Variants in SYCP2L observed in about 807,000 individuals in gnomAD.
SYCP2L encodes synaptonemal complex protein 2-like.
In SYCP2L, 98 loss-of-function variants were observed where a neutral mutation model predicts 125.8. The ratio of observed to expected loss-of-function variants is 0.78; its 90% CI spans 0.66 to 0.92. The LOEUF is 0.92. Among genes scored for constraint, SYCP2L ranks in the 40% least tolerant of loss-of-function variants. The pLI is 0.00. For missense variants in SYCP2L, 842 were observed against 936.4 expected (o/e 0.90, Z 1.32); for synonymous variants, 317 against 325.4 (o/e 0.97, Z 0.28).
chr6:10,895,233 G>A (rs183278596), intron 4 of SYCP2L, among the ~76,000 whole-genome samples: 2 of 152,316 alleles, frequency 1.3e-5, no homozygotes, highest in African/African-American at 2.4e-5. Context: ...TGTCCTAAGT[G>A]TACCTTGGAA....
At chr6:10,925,755 A>G (rs1270960919) in intron 15 of SYCP2L, among the ~76,000 whole-genome samples, 1 of 152,220 alleles carries the variant, frequency 6.6e-6, no homozygotes, top group Non-Finnish European at 1.5e-5. Flanking sequence ...AGGATGAGAA[A>G]TAAAGGGGAA....
intron 28 of SYCP2L, chr6:10,963,478 C>T (rs1344474955): frequency 6.0e-6 from 2 of 331,994 alleles, no homozygotes; most frequent in East Asian, 1.4e-4. Flanking sequence ...GAATATCCCT[C>T]AGACTGGATT....
At chr6:10,890,495 C>T (rs1780154202) in intron 1 of SYCP2L, among the ~76,000 whole-genome samples, 1 of 152,028 alleles carries the variant, frequency 6.6e-6, no homozygotes, top group South Asian at 2.1e-4. Flanking sequence ...TGTATGTCTT[C>T]TTTGGAGAGA....
At position 10,921,549 on chromosome 6, in the gene SYCP2L, A is replaced by G. The variant is rs866946993; in HGVS notation, c.1073-2947A>G. ...CAACCTTGCCAGCATCTGTTGTTTGACTTTTTAATAATAGCCATTCTGACT... is the reference window on the plus strand; with the variant it reads ...CAACCTTGCCAGCATCTGTTGTTTGGCTTTTTAATAATAGCCATTCTGACT... On this transcript the variant is annotated intron_variant, in intron 14 of 29. Transcript: ENST00000283141. 3.9e-5 allele frequency among the ~76,000 whole-genome samples: 6 copies of G among 152,024 alleles called. No individual in the cohort carries two copies. The South Asian group carries it at 1.2e-3, about 32-fold the overall frequency.
intron 12 of SYCP2L, among the ~76,000 whole-genome samples, chr6:10,911,335 C>T (rs999853786): frequency 1.3e-5 from 2 of 152,094 alleles, no homozygotes; most frequent in Non-Finnish European, 1.5e-5. Context: ...TCCCCACCCC[C>T]CATTTGGTTT....
intron 21 of SYCP2L, among the ~76,000 whole-genome samples, chr6:10,937,948 G>A (rs1472237940): frequency 3.9e-5 from 6 of 152,054 alleles, no homozygotes; most frequent in Admixed American, 3.9e-4. Flanking sequence ...GTAGCCCAGG[G>A]CCAGACGGTT....
At chr6:10,931,909 G>A (rs948209835) in intron 20 of SYCP2L, among the ~76,000 whole-genome samples, 2 of 149,748 alleles carry the variant, frequency 1.3e-5, no homozygotes, top group Admixed American at 1.3e-4. Flanking sequence ...GGTTTGCAGT[G>A]AGCCGAGATT....
intron 6 of SYCP2L, among the ~76,000 whole-genome samples, chr6:10,902,206 A>G (rs6910232): frequency 0.29 from 44,781 of 152,142 alleles, 7,627 homozygotes; most frequent in East Asian, 0.52. Context: ...CAAAAAGTCC[A>G]TTACAGTTAC....
At chr6:10,937,070 A>G (rs969951097) in intron 21 of SYCP2L, among the ~76,000 whole-genome samples, 2 of 152,258 alleles carry the variant, frequency 1.3e-5, no homozygotes, top group South Asian at 2.1e-4. Flanking sequence ...GGCTTGAATA[A>G]TACTGTAGAC....
chr6:10,898,071 A>G lies in SYCP2L; in HGVS notation c.397A>G (p.Thr133Ala), dbSNP rs1780289896. The change falls in exon 5 of 30, where the codon ACG becomes GCG. Residue 133 changes from threonine (T) to alanine (A), a missense_variant. Coordinates refer to ENST00000283141, the MANE Select transcript of SYCP2L (RefSeq NM_001040274.3). Reference protein sequence around the residue: ...ILTSEGLASDTSLICVIEDFF... With the variant: ...ILTSEGLASDASLICVIEDFF... ...GACCTCGGAAGGCCTAGCCTCAGAC[A>G]CGTCGCTGATTTGTGTTATAGAAGA... 1 of 1,614,168 alleles carries G rather than the reference A, an allele frequency of 6.2e-7. No homozygotes were observed.
intron 28 of SYCP2L, among the ~76,000 whole-genome samples, chr6:10,962,151 A>T (rs1428287499): frequency 1.3e-5 from 2 of 152,140 alleles, no homozygotes; most frequent in Non-Finnish European, 2.9e-5. Flanking sequence ...TTCCCACTCG[A>T]ATAATCAAAA....
At chr6:10,948,206 A>G (rs1781349449) in intron 23 of SYCP2L, among the ~76,000 whole-genome samples, 2 of 152,130 alleles carry the variant, frequency 1.3e-5, no homozygotes, top group Admixed American at 1.3e-4. Flanking sequence ...TGTGTTAATA[A>G]TAAAGATCTA....
At position 10,893,873 on chromosome 6, in the gene SYCP2L, T is replaced by A. The variant is rs760841450; in HGVS notation, c.85T>A (p.Ser29Thr). The A allele has an allele frequency of 2.0e-5, 32 of 1,605,968 alleles. No homozygotes were observed. Among genetic ancestry groups the A allele is most frequent in the Non-Finnish European group, 2.7e-5 (32 of 1,178,478 alleles). ...CAAACTATCATCTTTCCAGCTTCAA[T>A]CACTTATTACGGATGCATTCCATGA... ...KAQDDAFWLQ[S>T]LITDAFHDKG... The change falls in exon 3 of 30, where the codon TCA becomes ACA. Residue 29 changes from serine to threonine, a missense_variant. Transcript: ENST00000283141.
chr6:10,959,869 C>CAAAA (rs201059528), intron 26 of SYCP2L, among the ~76,000 whole-genome samples: 1,709 of 126,136 alleles, frequency 0.014, 23 homozygotes, highest in East Asian at 0.03. Flanking sequence ...AACTCTGTCT[C>CAAAA]AAAAAAAAAA....
chr6:10,888,957 G>C (rs1780130301), intron 1 of SYCP2L, among the ~76,000 whole-genome samples: 1 of 152,116 alleles, frequency 6.6e-6, no homozygotes, highest in Admixed American at 6.6e-5. Flanking sequence ...CACCTCCTGG[G>C]TTCGAGTGAT....
intron 2 of SYCP2L, 97 bp downstream of exon 2, chr6:10,891,678 T>A: frequency 1.3e-6 from 1 of 792,076 alleles, no homozygotes; most frequent in Non-Finnish European, 1.9e-6. Flanking sequence ...TGTATATGAG[T>A]GTATGTATTC....
In SYCP2L at chr6:10,931,484, G is replaced by T; in HGVS notation, c.1678G>T (p.Asp560Tyr). The T allele has an allele frequency of 6.2e-7, 1 of 1,614,094 alleles. No individual in the cohort carries two copies. The highest frequency in any genetic ancestry group is 2.2e-5 in the East Asian group (1 of 44,876). ...CAGTAGTGGCAGTGGCCATGAGAAA[G>T]ACCAAGTAAGTACATTGTATCTGGG... ...PPSSGSGHEK[D>Y]QAKLLSPSEK... Residue 560 changes from aspartate to tyrosine, a missense_variant, in exon 20 of 30, where the codon GAC becomes TAC. Physicochemically the swap from Asp to Tyr is radical, Grantham distance 160. Transcript: ENST00000283141.
In SYCP2L at chr6:10,902,965, T is replaced by G. The variant is rs1291771174; in HGVS notation, c.641+2T>G. 1 of 1,612,808 alleles carries G rather than the reference T, an allele frequency of 6.2e-7. No homozygotes were observed. Among genetic ancestry groups the G allele is most frequent in the East Asian group, 2.2e-5 (1 of 44,858 alleles). ...GTCAGAAGGCATGTGTCATCTTATG[T>G]AAGTGACTTTGTATAAGTTACGTGC... is the stretch of plus-strand genomic sequence containing the variant. On this transcript the variant is annotated splice_donor_variant, in intron 8 of 29. Coordinates refer to ENST00000283141, the MANE Select transcript of SYCP2L (RefSeq NM_001040274.3). LOFTEE classifies it high-confidence loss of function.
chr6:10,971,038 G>A (rs568898400), intron 29 of SYCP2L, among the ~76,000 whole-genome samples: 1 of 152,318 alleles, frequency 6.6e-6, no homozygotes, highest in African/African-American at 2.4e-5. Context: ...ATGTATTTAT[G>A]TACTTGCCTG....
Sources: gnomAD v4.1 joint callset for allele counts (sites outside exome capture counted in the v4.1 genomes callset) on GRCh38, gnomAD v4.1.1 for gene constraint, MANE v1.5 for transcripts, NCBI Gene and HGNC (gene_info 2026-07-23, HGNC 2026-07-21) for gene names.